Variants in F13A1 observed in about 807,000 individuals in gnomAD.
The protein encoded by F13A1 is FSF, A subunit.
Under a neutral mutation model 80.1 loss-of-function variants are expected in F13A1, and 47 were observed. The ratio of observed to expected loss-of-function variants is 0.59; its 90% CI spans 0.46 to 0.75. F13A1 has a LOEUF of 0.75. F13A1 is among the 30% of genes least tolerant of loss of function. The probability of loss-of-function intolerance (pLI) is 0.00; values close to 1 mark genes in which losing one functional copy is unlikely to be tolerated. For missense variants in F13A1, 817 were observed against 930.4 expected, an observed-to-expected ratio of 0.88 and a Z score of 1.59; for synonymous variants, 349 against 344.9, an observed-to-expected ratio of 1.01 and a Z score of -0.13.
At chr6:6,300,466 C>T (rs373454138) in intron 3 of F13A1, among the ~76,000 whole-genome samples, 4 of 152,212 alleles carry the variant, frequency 2.6e-5, no homozygotes, top group East Asian at 1.9e-4. Context: ...TTAAGCCTGT[C>T]GGAAAAGTGC....
chr6:6,297,843 G>A (rs1330762589), intron 3 of F13A1, among the ~76,000 whole-genome samples: 2 of 149,988 alleles, frequency 1.3e-5, no homozygotes, highest in African/African-American at 2.5e-5. Flanking sequence ...TGATGTTAGG[G>A]TGTCAATTTT....
chr6:6,173,188 C>T (rs992288992), intron 12 of F13A1, among the ~76,000 whole-genome samples: 25 of 151,996 alleles, frequency 1.6e-4, no homozygotes, highest in African/African-American at 6.0e-4. Flanking sequence ...TACGAACATC[C>T]TAGGAAATGT....
rs556276325 is a variant in F13A1 at position 6,171,728 on chromosome 6, G to A, written c.1747+2852C>T. On this transcript the variant is annotated intron_variant, in intron 12 of 14. Coordinates refer to ENST00000264870, the MANE Select transcript of F13A1 (RefSeq NM_000129.4). ...CAGCTCACTCAAAATAAAAACCAAA[G>A]GCCTTATAAAGGCCTACAATTCTTT... 6.6e-5 allele frequency among the ~76,000 whole-genome samples: 10 copies of A among 152,274 alleles called. No homozygotes were observed. The East Asian group carries it at 1.7e-3, about 26-fold the overall frequency.
At chr6:6,153,825 A>G (rs6899562) in intron 13 of F13A1, among the ~76,000 whole-genome samples, 31,137 of 152,158 alleles carry the variant, frequency 0.2, 3,311 homozygotes, top group Middle Eastern at 0.28. Context: ...CATAAGCCTC[A>G]CAACACAAGG....
At chr6:6,283,011 C>A (rs925717451) in intron 3 of F13A1, among the ~76,000 whole-genome samples, 3 of 152,214 alleles carry the variant, frequency 2.0e-5, no homozygotes, top group Admixed American at 1.3e-4. Context: ...TCAACCTGTG[C>A]CACCACCTTA....
Position 6,197,294 on chromosome 6 carries a change from G to A in F13A1, c.1145C>T (p.Thr382Ile). ...AAATCCAACAGGAAGGTCAGGCCTTGTCATCCATGCTTCATTCCAGCAGTG... is the reference window on the plus strand; with the variant it reads ...AAATCCAACAGGAAGGTCAGGCCTTATCATCCATGCTTCATTCCAGCAGTG... ...NYHCWNEAWM[T>I]RPDLPVGFGG... Residue 382 changes from threonine to isoleucine, a missense_variant, in exon 9 of 15, where the codon ACA (threonine) becomes ATA (isoleucine). Coordinates refer to ENST00000264870, the MANE Select transcript of F13A1 (RefSeq NM_000129.4). The A allele has an allele frequency of 6.2e-7, 1 of 1,614,222 alleles. No homozygotes were observed. The highest frequency in any genetic ancestry group is 8.5e-7 in the Non-Finnish European group (1 of 1,180,038).
chr6:6,277,997 C>T (rs1445932338), intron 3 of F13A1, among the ~76,000 whole-genome samples: 5 of 152,160 alleles, frequency 3.3e-5, no homozygotes, highest in South Asian at 2.1e-4. Flanking sequence ...TCAGCCTGTC[C>T]GGATAGTCAC....
At chr6:6,206,349 A>G (rs759017948) in intron 8 of F13A1, 2 of 404,544 alleles carry the variant, frequency 4.9e-6, no homozygotes, top group Non-Finnish European at 9.8e-6. Flanking sequence ...AACGGTATAT[A>G]TGATGACTCT....
Position 6,277,121 on chromosome 6 carries a change from T to TG in F13A1, c.320-10313dup, listed in dbSNP as rs149073412. Among the ~76,000 whole-genome samples the TG allele has an allele frequency of 1.7e-3, 118 of 69,046 alleles. 15 individuals are homozygous for TG. The highest frequency in any genetic ancestry group is 2.7e-3 in the South Asian group (7 of 2,634). 45.3% of individuals were successfully genotyped at this position (69,046 alleles called of 152,430 possible). The stretch of plus-strand genomic sequence containing the variant: ...AATAGAGATCATAAGACTGACACTG[T>TG]GCAGGAGATCGAGACCATCCCGGCT... On this transcript the variant is annotated intron_variant, in intron 3 of 14. Transcript: ENST00000264870.
chr6:6,195,721 A>G, intron 10 of F13A1, 76 bp downstream of exon 10: 1 of 1,387,704 alleles, frequency 7.2e-7, no homozygotes, highest in Non-Finnish European at 1.0e-6. Context: ...CTTAGAAACA[A>G]CAACTTTTAG....
chr6:6,148,423 A>G (rs1760321742), intron 14 of F13A1, among the ~76,000 whole-genome samples: 1 of 152,106 alleles, frequency 6.6e-6, no homozygotes, highest in East Asian at 1.9e-4. Flanking sequence ...TGCCTTCTAG[A>G]CACCACATCT....
intron 10 of F13A1, among the ~76,000 whole-genome samples, chr6:6,184,716 G>A (rs1213264946): frequency 6.6e-6 from 1 of 152,160 alleles, no homozygotes; most frequent in African/African-American, 2.4e-5. Flanking sequence ...AGGGAAACAA[G>A]CAAAATATGA....
At chr6:6,191,175 C>T (rs1761190885) in intron 10 of F13A1, among the ~76,000 whole-genome samples, 1 of 152,194 alleles carries the variant, frequency 6.6e-6, no homozygotes, top group Non-Finnish European at 1.5e-5. Flanking sequence ...ATGCAGAAAT[C>T]ACCAGTCTTC....
chr6:6,223,207 C>T (rs1221344903), intron 7 of F13A1, among the ~76,000 whole-genome samples: 1 of 152,208 alleles, frequency 6.6e-6, no homozygotes, highest in Non-Finnish European at 1.5e-5. Flanking sequence ...TGTGACTTCC[C>T]CACTGTGTGT....
In F13A1 at chr6:6,318,701, AAG is replaced by A. The variant is rs1554106588; in HGVS notation, c.-18-21_-18-20del. On this transcript the variant is annotated intron_variant, in intron 1 of 14. Transcript: ENST00000264870. ...CAAGGTCCTTCAGAAAAAAAAAAAA[AAG>A]AAGACAACAGAAAAGGCATGTAAAG... 6.2e-6 allele frequency: 10 copies of A among 1,604,136 alleles called. No homozygotes were observed. The highest frequency in any genetic ancestry group is 1.7e-5 in the Admixed American group (1 of 59,046).
rs1283552979 is a variant in F13A1, at chr6:6,299,443, C to G, written c.319+5908G>C. Among the ~76,000 whole-genome samples, 2 of 132,344 alleles carry G rather than the reference C, an allele frequency of 1.5e-5. 1 individual carries two copies. Among genetic ancestry groups the G allele is most frequent in the African/African-American group, 7.4e-5 (2 of 27,020 alleles). 86.8% of individuals were successfully genotyped at this position (132,344 alleles called of 152,430 possible). On this transcript the variant is annotated intron_variant, in intron 3 of 14. Coordinates refer to ENST00000264870, the MANE Select transcript of F13A1 (RefSeq NM_000129.4). Reference sequence around the variant, plus strand: ...TCCCATATTTCTTAGAGGCTTTGCTCATTTCTTTTTATTCTTTTTTCTCTA... The same window carrying G: ...TCCCATATTTCTTAGAGGCTTTGCTGATTTCTTTTTATTCTTTTTTCTCTA...
chr6:6,168,198 A>G (rs1253705180), intron 12 of F13A1, among the ~76,000 whole-genome samples: 1 of 152,262 alleles, frequency 6.6e-6, no homozygotes, highest in Admixed American at 6.5e-5. Context: ...GCATTCAACT[A>G]TCTCCGAACC....
rs1399990128 is a variant in F13A1, at chr6:6,144,102, A to G, written c.*1517T>C. 2 of 152,248 alleles carry G rather than the reference A, an allele frequency of 1.3e-5. No individual in the cohort carries two copies. The highest frequency in any genetic ancestry group is 4.8e-5 in the African/African-American group (2 of 41,476). The allele number at this position is 152,248 out of a possible 1,614,324, so 9.4% of individuals were successfully genotyped here. A position where few individuals can be genotyped will look rare whatever the true frequency, so the allele number is the denominator to read the frequency against. Reference sequence around the variant, plus strand: ...ATGCAAATATAATCAGTTTAACTTTATTTTAAGCTTCTATTACATTGTAAT... The same window carrying G: ...ATGCAAATATAATCAGTTTAACTTTGTTTTAAGCTTCTATTACATTGTAAT... On this transcript the variant is annotated 3_prime_UTR_variant, in exon 15 of 15. Coordinates refer to ENST00000264870, the MANE Select transcript of F13A1 (RefSeq NM_000129.4).
intron 6 of F13A1, among the ~76,000 whole-genome samples, chr6:6,226,207 TC>T (rs1315045051): frequency 6.6e-6 from 1 of 152,178 alleles, no homozygotes; most frequent in African/African-American, 2.4e-5. Flanking sequence ...CAGGAGCTTT[TC>T]CAAAAACTGG....
Sources: allele counts gnomAD v4.1 joint callset (sites outside exome capture counted in the v4.1 genomes callset), GRCh38; gene constraint gnomAD v4.1.1; transcripts MANE v1.5; gene names NCBI Gene and HGNC (gene_info 2026-07-23, HGNC 2026-07-21).